GOLGA6L2: variants seen among roughly 807,000 people sequenced by gnomAD.
GOLGA6L2 encodes the protein golgin A6 family like 2.
A neutral mutation model predicts 35.9 loss-of-function variants in GOLGA6L2; 30 were observed. The ratio of observed to expected loss-of-function variants is 0.83; its 90% CI spans 0.62 to 1.13. The LOEUF (loss-of-function observed/expected upper bound fraction) is 1.13, where lower values mean the gene tolerates loss of function less well. GOLGA6L2 is among the 50% of genes most tolerant of loss of function. The probability of loss-of-function intolerance (pLI) is 0.00; values close to 1 mark genes in which losing one functional copy is unlikely to be tolerated. For missense variants in GOLGA6L2, 821 were observed against 973.4 expected (o/e 0.84, Z 2.08); for synonymous variants, 297 against 344.0 (o/e 0.86, Z 1.51).
intron 1 of GOLGA6L2, among the ~76,000 whole-genome samples, chr15:23,446,717 A>T (rs1317543702): frequency 6.6e-6 from 1 of 151,750 alleles, no homozygotes; most frequent in Non-Finnish European, 1.5e-5. Context: ...TGGAGCGGGG[A>T]GCCCCAGGAG....
In GOLGA6L2 at chr15:23,443,753, G is replaced by C. The variant is rs1255247812; in HGVS notation, c.591+24C>G. ...CATCTGCGAAGCTGGGATCCCAGGA[G>C]ACTGGGGAGGTGATTGGACTTACCC... On this transcript the variant is annotated intron_variant, in intron 5 of 7. Coordinates refer to ENST00000567107, the MANE Select transcript of GOLGA6L2 (RefSeq NM_001304388.2). The C allele has an allele frequency of 4.0e-6, 6 of 1,516,896 alleles. 1 individual carries two copies. The highest frequency in any genetic ancestry group is 1.7e-4 in the Middle Eastern group (1 of 5,926). 94.0% of individuals were successfully genotyped at this position (1,516,896 alleles called of 1,614,324 possible). A position where few individuals can be genotyped will look rare whatever the true frequency, so the allele number is the denominator to read the frequency against.
rs770117786 is a variant in GOLGA6L2, at chr15:23,443,962, G to C, written c.406C>G (p.Pro136Ala). 1 of 1,561,558 alleles carries C rather than the reference G, an allele frequency of 6.4e-7. No individual in the cohort carries two copies. Among genetic ancestry groups the C allele is most frequent in the Admixed American group, 1.9e-5 (1 of 53,948 alleles). The change falls in exon 5 of 8, where the codon CCA (proline) becomes GCA (alanine). Residue 136 changes from proline (P) to alanine (A), a missense_variant. Pro to Ala is a conservative substitution (Grantham distance 27). Coordinates refer to ENST00000567107, the MANE Select transcript of GOLGA6L2 (RefSeq NM_001304388.2). Reference protein sequence around the residue: ...RKFEDGNLGTPSSFNLALSQA... With the variant: ...RKFEDGNLGTASSFNLALSQA... ...GAAAGTGCCAGGTTGAAGGATGATG[G>C]GGTGCCCAGGTTCCCATCTTCAAAT...
In GOLGA6L2 at chr15:23,447,078, C is replaced by T. The variant is rs746518501; in HGVS notation, c.84+20G>A. 96 of 1,413,624 alleles carry T rather than the reference C, an allele frequency of 6.8e-5. No individual in the cohort carries two copies. Among genetic ancestry groups the T allele is most frequent in the South Asian group, 2.2e-4 (18 of 81,864 alleles). 87.6% of individuals were successfully genotyped at this position (1,413,624 alleles called of 1,614,324 possible). A position where few individuals can be genotyped will look rare whatever the true frequency, so the allele number is the denominator to read the frequency against. ...TGGGGCTGGGTTGGGGTTGGGGTGC[C>T]GCAACCCAGTGAGTTTTACCTTTTT... is the stretch of plus-strand genomic sequence containing the variant. On this transcript the variant is annotated intron_variant, in intron 1 of 7. Coordinates refer to ENST00000567107, the MANE Select transcript of GOLGA6L2 (RefSeq NM_001304388.2).
intron 5 of GOLGA6L2, among the ~76,000 whole-genome samples, chr15:23,442,825 A>G (rs2344893): frequency 0.99 from 150,830 of 152,234 alleles, 74,738 homozygotes; most frequent in East Asian, 1. Flanking sequence ...GATTACAGGC[A>G]TGCGCTACCA....
rs2070620158 is a variant in GOLGA6L2, at chr15:23,439,342, C to G, written c.*403G>C. ...GCCAGGCTGGTCTTGAACTCCTGAC[C>G]TCAGGTGATCCACCCCCTCTAGGTC... On this transcript the variant is annotated 3_prime_UTR_variant, in exon 8 of 8. Transcript: ENST00000567107. Among the ~76,000 whole-genome samples the G allele has an allele frequency of 6.6e-6, 1 of 151,952 alleles. No individual in the cohort carries two copies. The highest frequency in any genetic ancestry group is 1.5e-5 in the Non-Finnish European group (1 of 67,998).
In GOLGA6L2 at chr15:23,444,491, TC is replaced by T. The variant is rs758669993; in HGVS notation, c.222del (p.Asn75ThrfsTer5). 6.3e-7 allele frequency: 1 copy of T among 1,599,774 alleles called. No homozygotes were observed. Among genetic ancestry groups the T allele is most frequent in the Non-Finnish European group, 8.5e-7 (1 of 1,179,772 alleles). Reference sequence around the variant, plus strand: ...GTTACTTCTTTCAGCTGCGCTCGGTTCTGTTGTGTCTGTGGGGAGAGTCAAA... The same window carrying T: ...GTTACTTCTTTCAGCTGCGCTCGGTTTGTTGTGTCTGTGGGGAGAGTCAAA... ...EGCHSPEDTQ[Q>X]NRAQLKEEKK... is the part of the protein sequence containing the mutation. On this transcript the variant is annotated frameshift_variant, in exon 3 of 8. Transcript: ENST00000567107. LOFTEE classifies it high-confidence loss of function.
At chr15:23,442,583 C>G (rs878970471) in intron 5 of GOLGA6L2, 75 bp from the exon 6 acceptor site, 7 of 1,365,558 alleles carry the variant, frequency 5.1e-6, no homozygotes, top group South Asian at 3.7e-5. Context: ...AACAGCTACA[C>G]TGATACTCCA....
rs901738110 is a variant in GOLGA6L2, at chr15:23,443,807, A to C, written c.561T>G (p.Ala187=). 1 of 1,538,974 alleles carries C rather than the reference A, an allele frequency of 6.5e-7. No homozygotes were observed. Among genetic ancestry groups the C allele is most frequent in the African/African-American group, 1.4e-5 (1 of 73,118 alleles). The change falls in exon 5 of 8, where the codon GCT becomes GCG. Residue 187 remains alanine (A), a synonymous_variant. Transcript: ENST00000567107. ...FAGELQRALS[A]VSTWHKKADR... ...CTGCCTTCTTGTGCCATGTGGACAC[A>C]GCAGAGAGAGCCCGCTGTAACTCTC...
chr15:23,443,524 C>A (rs2070722028), intron 5 of GOLGA6L2, among the ~76,000 whole-genome samples: 1 of 152,202 alleles, frequency 6.6e-6, no homozygotes, highest in Non-Finnish European at 1.5e-5. Flanking sequence ...AAGGCCACAG[C>A]CAAGTATGGG....
chr15:23,444,637 A>C (rs1165294004), intron 2 of GOLGA6L2, 137 bp from the exon 3 acceptor site: 2 of 737,612 alleles, frequency 2.7e-6, no homozygotes, highest in Non-Finnish European at 2.3e-6. Flanking sequence ...ATGAAGTGGT[A>C]AACTCTCAAC....
Position 23,444,076 on chromosome 15 carries a change from T to C in GOLGA6L2, c.295-3A>G, listed in dbSNP as rs756612386. The stretch of plus-strand genomic sequence containing the variant: ...ATTCGTATTGTATGATCCTGGGCCT[T>C]TGGGAGAAAAGACAAGCAAGTGCTG... On this transcript the variant is annotated splice_polypyrimidine_tract_variant and splice_region_variant and intron_variant, in intron 4 of 7. Transcript: ENST00000567107. 7 of 1,571,512 alleles carry C rather than the reference T, an allele frequency of 4.5e-6. No homozygotes were observed. The highest frequency in any genetic ancestry group is 1.8e-5 in the Admixed American group (1 of 54,732).
intron 7 of GOLGA6L2, 84 bp from the exon 8 acceptor site, chr15:23,441,766 A>T (rs1331038019): frequency 5.0e-6 from 7 of 1,404,706 alleles, no homozygotes; most frequent in Non-Finnish European, 6.5e-6. Flanking sequence ...TTTAAAAAAA[A>T]TTTTTAAGCC....
At position 23,440,700 on chromosome 15, in the gene GOLGA6L2, T is replaced by C; in HGVS notation, c.1775A>G (p.Glu592Gly). Reference protein sequence around the residue: ...AGREAAGEGGENAGAEEDVAA... With the variant: ...AGREAAGEGGGNAGAEEDVAA... ...CACATCTTCTTCTGCTCCCGCATTC[T>C]CTCCTCCTTCTCCCGCAGCCTCTCG... is the stretch of plus-strand genomic sequence containing the variant. Residue 592 changes from glutamate to glycine, a missense_variant, in exon 8 of 8, where the codon GAG becomes GGG. Glu to Gly is a moderately conservative substitution (Grantham distance 98). Transcript: ENST00000567107. 1 of 1,487,570 alleles carries C rather than the reference T, an allele frequency of 6.7e-7. No homozygotes were observed. The highest frequency in any genetic ancestry group is 9.0e-7 in the Non-Finnish European group (1 of 1,106,584). 92.1% of individuals were successfully genotyped at this position (1,487,570 alleles called of 1,614,324 possible). A position where few individuals can be genotyped will look rare whatever the true frequency, so the allele number is the denominator to read the frequency against.
At chr15:23,446,642 G>T (rs973715311) in intron 1 of GOLGA6L2, among the ~76,000 whole-genome samples, 1 of 152,192 alleles carries the variant, frequency 6.6e-6, no homozygotes, top group African/African-American at 2.4e-5. Context: ...CCAGGTCCTT[G>T]GAGACGTGAG....
In GOLGA6L2 at chr15:23,441,363, ATCT is replaced by A; in HGVS notation, c.1109_1111del (p.Lys370del). On this transcript the variant is annotated inframe_deletion, in exon 8 of 8. Coordinates refer to ENST00000567107, the MANE Select transcript of GOLGA6L2 (RefSeq NM_001304388.2). ...CCACAGCCTCTCCTCCTGTCTCCAC[ATCT>A]TCTCTTCCTGCTCCCGCATCTTCTC... 2.0e-6 allele frequency: 3 copies of A among 1,521,768 alleles called. No homozygotes were observed. Among genetic ancestry groups the A allele is most frequent in the Non-Finnish European group, 2.6e-6 (3 of 1,138,606 alleles). 94.3% of individuals were successfully genotyped at this position (1,521,768 alleles called of 1,614,324 possible).
chr15:23,443,886 G>C lies in GOLGA6L2; in HGVS notation c.482C>G (p.Pro161Arg). 6.5e-7 allele frequency: 1 copy of C among 1,543,192 alleles called. No individual in the cohort carries two copies. The highest frequency in any genetic ancestry group is 8.7e-7 in the Non-Finnish European group (1 of 1,150,846). The change falls in exon 5 of 8, where the codon CCA (proline) becomes CGA (arginine). Residue 161 changes from proline to arginine, a missense_variant. Coordinates refer to ENST00000567107, the MANE Select transcript of GOLGA6L2 (RefSeq NM_001304388.2). ...GCCGGCGAGATCCTTGGACTCTCCTGGAATGAGAGAGGTTGAGACACAGCC... is the reference window on the plus strand; with the variant it reads ...GCCGGCGAGATCCTTGGACTCTCCTCGAATGAGAGAGGTTGAGACACAGCC... Reference protein sequence around the residue: ...PLGCVSTSLIPGESKDLAGRL... With the variant: ...PLGCVSTSLIRGESKDLAGRL...
intron 5 of GOLGA6L2, among the ~76,000 whole-genome samples, chr15:23,443,461 C>T (rs564713460): frequency 1.3e-5 from 2 of 152,256 alleles, no homozygotes; most frequent in East Asian, 3.9e-4. Context: ...ACTAAAGATA[C>T]TCTTCTGTAC....
Position 23,447,122 on chromosome 15 carries a change from G to C in GOLGA6L2, c.60C>G (p.Asn20Lys). Residue 20 changes from asparagine to lysine, a missense_variant, in exon 1 of 8, where the codon AAC (asparagine) becomes AAG (lysine). By Grantham distance (94) the Asn-to-Lys change is moderately conservative. Transcript: ENST00000567107. Reference sequence around the variant, plus strand: ...CCTTTTTCTTGGCCTCAGCCAATTTGTTCTGTCTGGTTTTTTCTGACATCA... The same window carrying C: ...CCTTTTTCTTGGCCTCAGCCAATTTCTTCTGTCTGGTTTTTTCTGACATCA... Reference protein sequence around the residue: ...HPMMSEKTRQNKLAEAKKKFT... With the variant: ...HPMMSEKTRQKKLAEAKKKFT... The C allele has an allele frequency of 6.6e-7, 1 of 1,524,716 alleles. No homozygotes were observed. The highest frequency in any genetic ancestry group is 8.9e-7 in the Non-Finnish European group (1 of 1,123,210). The allele number at this position is 1,524,716 out of a possible 1,614,324, so 94.4% of individuals were successfully genotyped here.
Position 23,443,932 on chromosome 15 carries a change from C to A in GOLGA6L2, c.436G>T (p.Ala146Ser). The A allele has an allele frequency of 6.4e-7, 1 of 1,555,788 alleles. No homozygotes were observed. The highest frequency in any genetic ancestry group is 1.4e-5 in the African/African-American group (1 of 73,830). The stretch of plus-strand genomic sequence containing the variant: ...CAGCCCAAAGGACTCCCCCTAAAGG[C>A]CTGTGAAAGTGCCAGGTTGAAGGAT... ...PSSFNLALSQ[A>S]FRGSPLGCVS... Residue 146 changes from alanine (A) to serine (S), a missense_variant, in exon 5 of 8, where the codon GCC becomes TCC. Ala to Ser is a moderately conservative substitution (Grantham distance 99, BLOSUM62 1). This residue lies in a region of GOLGA6L2 where 614 missense variants were observed against 632.3 expected (regional missense o/e 0.97). Transcript: ENST00000567107.
Sources: allele counts gnomAD v4.1 joint callset (sites outside exome capture counted in the v4.1 genomes callset), GRCh38; gene constraint gnomAD v4.1.1; regional missense constraint gnomAD v4.1.1; transcripts MANE v1.5; gene names NCBI Gene and HGNC (gene_info 2026-07-23, HGNC 2026-07-21).